Variants in NXPE2 observed in about 807,000 individuals in gnomAD.
NXPE2 encodes NXPE family member 2.
A neutral mutation model predicts 34.4 loss-of-function variants in NXPE2; 34 were observed. The ratio of observed to expected loss-of-function variants is 0.99; its 90% confidence interval spans 0.75 to 1.31. The LOEUF (loss-of-function observed/expected upper bound fraction) is 1.31, where lower values mean the gene tolerates loss of function less well. Ranked by LOEUF, NXPE2 falls within the 40% of genes most tolerant of loss-of-function variation. NXPE2 has a pLI of 0.00. For missense variants in NXPE2, 649 were observed against 672.5 expected (o/e 0.97, Z 0.39); for synonymous variants, 235 against 231.3 (o/e 1.02, Z -0.15).
At chr11:114,760,190 T>C in the NXPE2 span, among the ~76,000 whole-genome samples, 1 of 152,194 alleles carries the variant, frequency 6.6e-6, no homozygotes, top group Non-Finnish European at 1.5e-5. Flanking sequence ...GATTTGGTCA[T>C]GAGGGCAGAG....
At chr11:114,603,808 T>A in the NXPE2 span, among the ~76,000 whole-genome samples, 3 of 151,876 alleles carry the variant, frequency 2.0e-5, no homozygotes, top group Non-Finnish European at 4.4e-5. Context: ...TATTGCCTCG[T>A]CTCCTAGGTA....
At chr11:114,724,633 A>G in the NXPE2 span, among the ~76,000 whole-genome samples, 3 of 152,052 alleles carry the variant, frequency 2.0e-5, no homozygotes, top group Non-Finnish European at 2.9e-5. Flanking sequence ...GTCTTCTACT[A>G]GCTCAAGCAG....
the NXPE2 span, among the ~76,000 whole-genome samples, chr11:114,477,950 A>G: frequency 6.6e-6 from 1 of 152,146 alleles, no homozygotes; most frequent in Admixed American, 6.5e-5. Context: ...CTTAACAAAG[A>G]GTGGTACCTA....
the NXPE2 span, among the ~76,000 whole-genome samples, chr11:114,778,616 GAA>G: frequency 2.0e-5 from 3 of 152,170 alleles, no homozygotes; most frequent in African/African-American, 7.2e-5. Flanking sequence ...GCTTGACTGT[GAA>G]GAGACAAGGG....
the NXPE2 span, among the ~76,000 whole-genome samples, chr11:114,651,304 G>A: frequency 2.6e-5 from 4 of 151,714 alleles, no homozygotes; most frequent in African/African-American, 9.7e-5. Flanking sequence ...GACTTTAGGA[G>A]TGAAGCCGCA....
chr11:114,492,753 A>G, the NXPE2 span, among the ~76,000 whole-genome samples: 1 of 152,002 alleles, frequency 6.6e-6, no homozygotes, highest in East Asian at 1.9e-4. Context: ...GTTAGCCAGG[A>G]TGGTCTCAAT....
the NXPE2 span, among the ~76,000 whole-genome samples, chr11:114,560,705 G>C: frequency 6.6e-6 from 1 of 152,318 alleles, no homozygotes; most frequent in East Asian, 1.9e-4. Flanking sequence ...AAATGTTGCT[G>C]TAACTTCTGC....
chr11:114,701,415 G>A (rs1951362505), intron 3 of NXPE2, among the ~76,000 whole-genome samples: 1 of 152,068 alleles, frequency 6.6e-6, no homozygotes, highest in South Asian at 2.1e-4. Flanking sequence ...ACATACTTTG[G>A]GTCCTAATCA....
At chr11:114,524,204 C>T in the NXPE2 span, among the ~76,000 whole-genome samples, 2 of 152,162 alleles carry the variant, frequency 1.3e-5, no homozygotes, top group Non-Finnish European at 2.9e-5. Flanking sequence ...TTCCCACTTG[C>T]ACTTCTGGAA....
chr11:114,530,927 T>C, the NXPE2 span: 1 of 1,566,778 alleles, frequency 6.4e-7, no homozygotes, highest in Non-Finnish European at 8.6e-7. Context: ...ACAAGGATTG[T>C]GATATACTAT....
chr11:114,592,514 AACACACACACACACACTC>A, the NXPE2 span, among the ~76,000 whole-genome samples: 2 of 150,968 alleles, frequency 1.3e-5, no homozygotes, highest in South Asian at 2.1e-4. Context: ...GAAATTGGAG[AACACACACACACACACTC>A]ACACACACAC....
At chr11:114,550,158 T>C in the NXPE2 span, among the ~76,000 whole-genome samples, 1 of 152,100 alleles carries the variant, frequency 6.6e-6, no homozygotes, top group East Asian at 1.9e-4. Flanking sequence ...ACTTATACAT[T>C]TAATAAAATC....
chr11:114,665,399 C>T, the NXPE2 span, among the ~76,000 whole-genome samples: 1 of 152,122 alleles, frequency 6.6e-6, no homozygotes, highest in African/African-American at 2.4e-5. Context: ...ATTCTGTGAA[C>T]ATAGCACAAC....
At chr11:114,577,279 CT>C in the NXPE2 span, among the ~76,000 whole-genome samples, 2 of 151,198 alleles carry the variant, frequency 1.3e-5, no homozygotes, top group Non-Finnish European at 2.9e-5. Flanking sequence ...GGCTATTATT[CT>C]AAGTGAAGTA....
chr11:114,607,521 G>A, the NXPE2 span, among the ~76,000 whole-genome samples: 1 of 151,974 alleles, frequency 6.6e-6, no homozygotes, highest in African/African-American at 2.4e-5. Flanking sequence ...TGCCTGGTGG[G>A]TAACCACTGT....
In NXPE2 at chr11:114,706,981, A is replaced by G; in HGVS notation, c.*51A>G. 7.2e-7 allele frequency: 1 copy of G among 1,391,364 alleles called. No homozygotes were observed. The highest frequency in any genetic ancestry group is 9.6e-7 in the Non-Finnish European group (1 of 1,037,830). 86.2% of individuals were successfully genotyped at this position (1,391,364 alleles called of 1,614,324 possible). ...CCACTTTCTATAGATGATCTCACAT[A>G]TACAGCGAAGATAGTTTAATGCAAT... On this transcript the variant is annotated 3_prime_UTR_variant, in exon 6 of 6. Transcript: ENST00000389586.
chr11:114,598,111 A>G, the NXPE2 span, among the ~76,000 whole-genome samples: 3 of 152,192 alleles, frequency 2.0e-5, no homozygotes, highest in South Asian at 2.1e-4. Flanking sequence ...ACATTCTAAA[A>G]GGGAAAAATT....
At chr11:114,678,410 A>C, upstream of NXPE2, 2 of 575,912 alleles carry the variant, frequency 3.5e-6, no homozygotes, top group Non-Finnish European at 3.1e-6. Flanking sequence ...AACAGATCAT[A>C]ATAAGGGAGG....
In NXPE2 at chr11:114,698,728, G is replaced by A. The variant is rs780629336; in HGVS notation, c.816G>A (p.Arg272=). The A allele has an allele frequency of 1.9e-6, 3 of 1,607,952 alleles. No individual in the cohort carries two copies. Among genetic ancestry groups the A allele is most frequent in the East Asian group, 2.2e-5 (1 of 44,818 alleles). The stretch of plus-strand genomic sequence containing the variant: ...AGGCCTTGACCCACATGACCACTAG[G>A]ACAAGAAATATTTCCTATCTTAGCA... ...PCEALTHMTT[R]TRNISYLSKE... Residue 272 remains arginine (R), a synonymous_variant, in exon 3 of 6, where the codon AGG becomes AGA. Transcript: ENST00000389586.
Sources: gnomAD v4.1 joint callset for allele counts (sites outside exome capture counted in the v4.1 genomes callset) on GRCh38, gnomAD v4.1.1 for gene constraint, MANE v1.5 for transcripts, NCBI Gene and HGNC (gene_info 2026-07-23, HGNC 2026-07-21) for gene names.